The following SEMA3A variants were observed in gnomAD, a reference collection of about 807,000 sequenced individuals.
The protein encoded by SEMA3A is semaphorin 3A.
Under a neutral mutation model 97.9 loss-of-function variants are expected in SEMA3A, and 29 were observed. That is an observed-to-expected ratio of 0.30 (90% confidence interval 0.22 to 0.40). The LOEUF (loss-of-function observed/expected upper bound fraction) is 0.40. Among genes scored for constraint, SEMA3A ranks in the 10% least tolerant of loss-of-function variants. SEMA3A has a pLI of 1.00. For synonymous variants in SEMA3A, 321 were observed against 323.7 expected (o/e 0.99, Z 0.09); for missense variants, 763 against 951.3 (o/e 0.80, Z 2.60).
At chr7:84,301,117 T>G (rs1441421026) in intron 3 of SEMA3A, among the ~76,000 whole-genome samples, 1 of 152,044 alleles carries the variant, frequency 6.6e-6, no homozygotes, top group East Asian at 1.9e-4. Flanking sequence ...GATTATAAAC[T>G]TTGAAAACTA....
intron 1 of SEMA3A, among the ~76,000 whole-genome samples, chr7:84,153,828 T>A (rs1021168008): frequency 1.3e-5 from 2 of 152,098 alleles, no homozygotes; most frequent in Non-Finnish European, 2.9e-5. Context: ...CAAATAAAAG[T>A]TAAAAATATT....
intron 3 of SEMA3A, among the ~76,000 whole-genome samples, chr7:84,260,664 C>A (rs1799829011): frequency 6.6e-6 from 1 of 152,180 alleles, no homozygotes; most frequent in Non-Finnish European, 1.5e-5. Context: ...CTCTGACATG[C>A]TAGCCCCTGC....
intron 3 of SEMA3A, among the ~76,000 whole-genome samples, chr7:84,113,928 C>G (rs1795348256): frequency 6.6e-6 from 1 of 151,858 alleles, no homozygotes; most frequent in Non-Finnish European, 1.5e-5. Flanking sequence ...CTTTTCAGAT[C>G]AAATGGATAG....
chr7:84,140,325 G>T (rs1011459395), intron 1 of SEMA3A, among the ~76,000 whole-genome samples: 3 of 152,088 alleles, frequency 2.0e-5, no homozygotes, highest in African/African-American at 7.2e-5. Context: ...TTTCTGGTTT[G>T]CAAGAGTGCC....
At chr7:84,436,991 C>G (rs1008119793) in intron 1 of SEMA3A, among the ~76,000 whole-genome samples, 4 of 152,024 alleles carry the variant, frequency 2.6e-5, no homozygotes, top group African/African-American at 9.7e-5. Context: ...ATGTTAAATA[C>G]CAATGATTCA....
intron 1 of SEMA3A, among the ~76,000 whole-genome samples, chr7:84,408,995 G>A (rs1804187008): frequency 6.6e-6 from 1 of 151,210 alleles, no homozygotes; most frequent in African/African-American, 2.4e-5. Flanking sequence ...GTATACATAT[G>A]TAACAAAACT....
chr7:84,147,824 T>C (rs1796507535), intron 1 of SEMA3A, among the ~76,000 whole-genome samples: 1 of 152,216 alleles, frequency 6.6e-6, no homozygotes, highest in Non-Finnish European at 1.5e-5. Flanking sequence ...AAATGCAATT[T>C]AAATTTGTCA....
intron 14 of SEMA3A, among the ~76,000 whole-genome samples, chr7:83,977,733 T>A (rs1010108453): frequency 1.3e-5 from 2 of 151,940 alleles, no homozygotes; most frequent in Admixed American, 6.5e-5. Context: ...GACTAGAAAT[T>A]CTATTTTTAA....
chr7:84,280,045 A>C (rs566025695), intron 3 of SEMA3A, among the ~76,000 whole-genome samples: 2 of 152,214 alleles, frequency 1.3e-5, no homozygotes, highest in African/African-American at 4.8e-5. Flanking sequence ...CCAAAGGCAC[A>C]TGCCACCATG....
In SEMA3A at chr7:84,376,409, T is replaced by C. The variant is rs113798326; in HGVS notation, c.-245-4509A>G. On this transcript the variant is annotated intron_variant, in intron 1 of 3. Transcript: ENST00000424555. ...CGAGGTCAGGAGATCGAGACCATCC[T>C]GGCTAACACAGTGAAACCCCGTCTC... 8.9e-5 allele frequency among the ~76,000 whole-genome samples: 13 copies of C among 145,874 alleles called. 2 individuals carry two copies. Among genetic ancestry groups the C allele is most frequent in the African/African-American group, 2.3e-4 (9 of 39,596 alleles).
intron 14 of SEMA3A, 48 bp downstream of exon 14, chr7:83,981,273 G>A (rs1372802267): frequency 6.3e-7 from 1 of 1,592,862 alleles, no homozygotes; most frequent in African/African-American, 1.4e-5. Context: ...CTTGGAATCA[G>A]ATAGGATAAC....
intron 1 of SEMA3A, among the ~76,000 whole-genome samples, chr7:84,402,235 GTA>G (rs2116213392): frequency 6.6e-6 from 1 of 152,242 alleles, no homozygotes; most frequent in East Asian, 1.9e-4. Flanking sequence ...CCACGGCTGG[GTA>G]TATGGAAAAA....
intron 12 of SEMA3A, among the ~76,000 whole-genome samples, chr7:83,994,018 TTTA>T (rs1367600246): frequency 6.9e-6 from 1 of 145,716 alleles, no homozygotes; most frequent in Non-Finnish European, 1.5e-5. Context: ...CTCATTTCTT[TTTA>T]TTCTTTTTTC....
At chr7:84,467,877 C>T (rs550225434) in intron 1 of SEMA3A, among the ~76,000 whole-genome samples, 140 of 152,130 alleles carry the variant, frequency 9.2e-4, no homozygotes, top group African/African-American at 2.9e-3. Context: ...CTGTGTATAA[C>T]ATTATTATAG....
At chr7:84,180,382 T>C (rs934477548) in intron 1 of SEMA3A, among the ~76,000 whole-genome samples, 1 of 151,780 alleles carries the variant, frequency 6.6e-6, no homozygotes, top group African/African-American at 2.4e-5. Context: ...AAATTTTGTA[T>C]TTTTTAAAAA....
At position 84,005,576 on chromosome 7, in the gene SEMA3A, A is replaced by AAATT; in HGVS notation, c.1141-22_1141-19dup. The AAATT allele has an allele frequency of 6.7e-7, 1 of 1,494,192 alleles. No individual in the cohort carries two copies. Among genetic ancestry groups the AAATT allele is most frequent in the Non-Finnish European group, 9.3e-7 (1 of 1,079,034 alleles). 92.6% of individuals were successfully genotyped at this position (1,494,192 alleles called of 1,614,324 possible). A position where few individuals can be genotyped will look rare whatever the true frequency, so the allele number is the denominator to read the frequency against. ...CTGGGACACTATTAAGATAAAGAGA[A>AAATT]AATTATCTTTTGATTAAAATCTAAT... On this transcript the variant is annotated intron_variant, in intron 10 of 16. Transcript: ENST00000265362.
At chr7:84,422,470 T>C (rs1804626961) in intron 1 of SEMA3A, among the ~76,000 whole-genome samples, 3 of 152,096 alleles carry the variant, frequency 2.0e-5, no homozygotes, top group Non-Finnish European at 4.4e-5. Flanking sequence ...AAAAACCAGC[T>C]CCTAGATTCA....
chr7:84,186,459 G>A (rs2116253529), intron 1 of SEMA3A, among the ~76,000 whole-genome samples: 1 of 152,190 alleles, frequency 6.6e-6, no homozygotes, highest in Admixed American at 6.5e-5. Flanking sequence ...AATAACAACG[G>A]AACAGCATTT....
chr7:84,103,059 C>T (rs1449731427), intron 4 of SEMA3A, among the ~76,000 whole-genome samples: 11 of 152,016 alleles, frequency 7.2e-5, no homozygotes, highest in Non-Finnish European at 1.5e-4. Flanking sequence ...AGCAATGCAA[C>T]ATGACAATGA....
Sources: gnomAD v4.1 joint callset for allele counts (sites outside exome capture counted in the v4.1 genomes callset) on GRCh38, gnomAD v4.1.1 for gene constraint, MANE v1.5 for transcripts, NCBI Gene and HGNC (gene_info 2026-07-23, HGNC 2026-07-21) for gene names.